SKP2: variants seen among roughly 807,000 people sequenced by gnomAD.
SKP2 encodes S-phase kinase-associated protein 2.
SKP2 carries 16 observed loss-of-function variants against 51.8 expected under a neutral mutation model. The observed-to-expected ratio is 0.31, with a 90% confidence interval of 0.21 to 0.47. The LOEUF is 0.47. SKP2 is among the 20% of genes least tolerant of loss of function. The probability of loss-of-function intolerance (pLI) is 1.00; values close to 1 mark genes in which losing one functional copy is unlikely to be tolerated. For missense variants in SKP2, 377 were observed against 505.3 expected (o/e 0.75, Z 2.43); for synonymous variants, 176 against 198.6 (o/e 0.89, Z 0.96).
rs1579579015 is a variant in SKP2, at chr5:36,182,381, C to CA, written c.*353dup. ...AATCAAGCTTAAAAATTACCACCAGCAAACAATCTTCATAGCCCATATAAC... is the reference window on the plus strand; with the variant it reads ...AATCAAGCTTAAAAATTACCACCAGCAAAACAATCTTCATAGCCCATATAAC... On this transcript the variant is annotated 3_prime_UTR_variant, in exon 10 of 10. Coordinates refer to ENST00000274255, the MANE Select transcript of SKP2 (RefSeq NM_005983.4). The CA allele has an allele frequency of 1.9e-6, 2 of 1,039,090 alleles. No individual in the cohort carries two copies. Among genetic ancestry groups the CA allele is most frequent in the East Asian group, 1.6e-4 (2 of 12,802 alleles). 64.4% of individuals were successfully genotyped at this position (1,039,090 alleles called of 1,614,324 possible).
rs35863230 is a variant in SKP2 at position 36,182,995 on chromosome 5, ATT to A, written c.*973_*974del. The stretch of plus-strand genomic sequence containing the variant: ...TCTGGAATCAAGTATTTTAAATTGT[ATT>A]TTTTTTTTAAATGATCTCTCAGCAA... On this transcript the variant is annotated 3_prime_UTR_variant, in exon 10 of 10. Transcript: ENST00000274255. 128 of 919,468 alleles carry A rather than the reference ATT, an allele frequency of 1.4e-4. No individual in the cohort carries two copies. Among genetic ancestry groups the A allele is most frequent in the African/African-American group, 6.3e-4 (35 of 55,198 alleles). The allele number at this position is 919,468 out of a possible 1,614,324, so 57.0% of individuals were successfully genotyped here.
At chr5:36,166,228 A>T (rs548209351) in intron 3 of SKP2, among the ~76,000 whole-genome samples, 4 of 152,362 alleles carry the variant, frequency 2.6e-5, no homozygotes, top group Admixed American at 6.5e-5. Flanking sequence ...ATGCTGGAAT[A>T]TGATTCTCTG....
chr5:36,175,456 A>G (rs1295606927), intron 7 of SKP2, among the ~76,000 whole-genome samples: 1 of 152,134 alleles, frequency 6.6e-6, no homozygotes, highest in Non-Finnish European at 1.5e-5. Context: ...CTCAAATGTT[A>G]ATGAAGTTTG....
rs1333201384 is a variant in SKP2, at chr5:36,183,457, C to T, written c.*1426C>T. 3.7e-5 allele frequency: 12 copies of T among 323,178 alleles called. No individual in the cohort carries two copies. Among genetic ancestry groups the T allele is most frequent in the Admixed American group, 1.3e-4 (2 of 15,418 alleles). 20.0% of individuals were successfully genotyped at this position (323,178 alleles called of 1,614,324 possible). A position where few individuals can be genotyped will look rare whatever the true frequency, so the allele number is the denominator to read the frequency against. On this transcript the variant is annotated 3_prime_UTR_variant, in exon 10 of 10. Transcript: ENST00000274255. ...AATTTTTTTGTATTTTTAGTAGAGA[C>T]GGGGTTTCACCATGTTAGCCAGGAT...
intron 2 of SKP2, among the ~76,000 whole-genome samples, chr5:36,154,256 G>A (rs1394794221): frequency 6.6e-6 from 1 of 152,060 alleles, no homozygotes; most frequent in Admixed American, 6.5e-5. Flanking sequence ...CATAAAGGAG[G>A]CAAGGAGTGT....
chr5:36,185,077 G>A (rs1307795290), downstream of SKP2, among the ~76,000 whole-genome samples: 2 of 152,160 alleles, frequency 1.3e-5, no homozygotes, highest in Admixed American at 6.5e-5. Flanking sequence ...AGAAGTGTCT[G>A]TTCATATCCT....
intron 9 of SKP2, among the ~76,000 whole-genome samples, chr5:36,179,849 G>A (rs950476792): frequency 3.3e-5 from 5 of 150,712 alleles, no homozygotes; most frequent in African/African-American, 1.2e-4. Flanking sequence ...CTCTTCCATT[G>A]TAGTTTTTAA....
At chr5:36,159,713 A>C (rs1411839433) in intron 2 of SKP2, among the ~76,000 whole-genome samples, 1 of 152,202 alleles carries the variant, frequency 6.6e-6, no homozygotes, top group Admixed American at 6.5e-5. Flanking sequence ...TAACCTGCCT[A>C]TTAGCCTACT....
At position 36,163,056 on chromosome 5, in the gene SKP2, G is replaced by A. The variant is rs557637565; in HGVS notation, c.281-589G>A. Among the ~76,000 whole-genome samples, 10 of 152,236 alleles carry A rather than the reference G, an allele frequency of 6.6e-5. No individual in the cohort carries two copies. In the South Asian group the frequency reaches 1.2e-3, roughly 19 times the overall value. Reference sequence around the variant, plus strand: ...GATTACCTCCCACTGGGTCCCTCCCGCAACACATGGGGATTATGGGAACTA... The same window carrying A: ...GATTACCTCCCACTGGGTCCCTCCCACAACACATGGGGATTATGGGAACTA... On this transcript the variant is annotated intron_variant, in intron 2 of 9. Coordinates refer to ENST00000274255, the MANE Select transcript of SKP2 (RefSeq NM_005983.4).
Position 36,168,305 on chromosome 5 carries a change from G to A in SKP2, c.537-8G>A, listed in dbSNP as rs780308267. ...CCTATGGAGCTCCTTTTTTCTCTCC[G>A]TGTTTAGCCCTTTTCGTGTACAGCA... On this transcript the variant is annotated splice_polypyrimidine_tract_variant and splice_region_variant and intron_variant, in intron 4 of 9. Coordinates refer to ENST00000274255, the MANE Select transcript of SKP2 (RefSeq NM_005983.4). 1.4e-4 allele frequency: 227 copies of A among 1,610,360 alleles called. No homozygotes were observed. The highest frequency in any genetic ancestry group is 1.9e-4 in the Non-Finnish European group (220 of 1,178,688).
chr5:36,166,661 A>G lies in SKP2; in HGVS notation c.535A>G (p.Ser179Gly), dbSNP rs752559772. 1.2e-6 allele frequency: 2 copies of G among 1,612,956 alleles called. No individual in the cohort carries two copies. The highest frequency in any genetic ancestry group is 8.5e-7 in the Non-Finnish European group (1 of 1,179,406). ...FMDQPLAEHF[S>G]PFRVQHMDLS... ...GGACCAACCATTGGCTGAACATTTC[A>G]GGTAAAGATGAAAAATCCCTGGAAA... The change falls in exon 4 of 10, where the codon AGC (serine) becomes GGC (glycine). Residue 179 changes from serine to glycine, a missense_variant and splice_region_variant. By Grantham distance (56) the Ser-to-Gly change is moderately conservative. Coordinates refer to ENST00000274255, the MANE Select transcript of SKP2 (RefSeq NM_005983.4).
At chr5:36,193,395 G>A (rs1288729467) in intron 7 of SKP2, 4 of 147,604 alleles carry the variant, frequency 2.7e-5, no homozygotes, top group African/African-American at 1.0e-4. Context: ...AGAATCGCTT[G>A]AACCTGGGAG....
chr5:36,175,314 G>A (rs1561539432), intron 7 of SKP2, among the ~76,000 whole-genome samples: 2 of 152,132 alleles, frequency 1.3e-5, no homozygotes, highest in East Asian at 3.9e-4. Context: ...AAATTTGGGG[G>A]AGAAATTGAG....
At chr5:36,190,178 G>A (rs949281915) in intron 6 of SKP2, among the ~76,000 whole-genome samples, 7 of 152,086 alleles carry the variant, frequency 4.6e-5, no homozygotes, top group African/African-American at 9.6e-5. Flanking sequence ...CAGGTGAGGC[G>A]ATGCCTCACC....
chr5:36,169,800 T>G (rs1745410880), intron 5 of SKP2, among the ~76,000 whole-genome samples: 1 of 152,200 alleles, frequency 6.6e-6, no homozygotes, highest in Non-Finnish European at 1.5e-5. Flanking sequence ...ACTGAGTAAG[T>G]CTTTTCCAGG....
chr5:36,192,816 A>G (rs1746066157), intron 7 of SKP2: 1 of 152,326 alleles, frequency 6.6e-6, no homozygotes, highest in East Asian at 1.9e-4. Context: ...GAAACATAAC[A>G]TTTTGTGAAA....
rs1455710443 is a variant in SKP2, at chr5:36,160,817, AC to A, written c.281-2827del. On this transcript the variant is annotated intron_variant, in intron 2 of 9. Coordinates refer to ENST00000274255, the MANE Select transcript of SKP2 (RefSeq NM_005983.4). ...GGAGGAACTTTGTGGCAGTGATGGA[AC>A]AGCTGCCACGTCGAGGAGCCTCCTC... 4.6e-5 allele frequency among the ~76,000 whole-genome samples: 7 copies of A among 152,232 alleles called. No individual in the cohort carries two copies. The East Asian group carries it at 1.4e-3, about 29-fold the overall frequency.
intron 3 of SKP2, among the ~76,000 whole-genome samples, chr5:36,165,938 A>G (rs1330356370): frequency 6.6e-6 from 1 of 152,222 alleles, no homozygotes; most frequent in Non-Finnish European, 1.5e-5. Context: ...ATACACACAC[A>G]TATGTACACA....
chr5:36,192,094 A>G (rs1746037546), intron 6 of SKP2, among the ~76,000 whole-genome samples: 1 of 152,188 alleles, frequency 6.6e-6, no homozygotes, highest in Admixed American at 6.5e-5. Flanking sequence ...TAGCTCATGT[A>G]GTCAGTGATT....
Sources: allele counts gnomAD v4.1 joint callset (sites outside exome capture counted in the v4.1 genomes callset), GRCh38; gene constraint gnomAD v4.1.1; transcripts MANE v1.5; gene names NCBI Gene and HGNC (gene_info 2026-07-23, HGNC 2026-07-21).